HTR3B: variants seen among roughly 807,000 people sequenced by gnomAD.
HTR3B encodes the protein 5-hydroxytryptamine (serotonin) receptor 3B, ionotropic.
HTR3B carries 44 observed loss-of-function variants against 42.8 expected under a neutral mutation model. The ratio of observed to expected loss-of-function variants is 1.03; its 90% confidence interval spans 0.81 to 1.32. HTR3B has a LOEUF of 1.32. HTR3B is among the 40% of genes most tolerant of loss of function. The pLI, the probability that HTR3B is intolerant of heterozygous loss-of-function variation, is 0.00. For synonymous variants in HTR3B, 203 were observed against 209.0 expected (o/e 0.97, Z 0.25); for missense variants, 527 against 536.5 (o/e 0.98, Z 0.17).
At chr11:113,913,000 C>A (rs1001659822) in intron 2 of HTR3B, among the ~76,000 whole-genome samples, 1 of 148,586 alleles carries the variant, frequency 6.7e-6, no homozygotes, top group African/African-American at 2.5e-5. Context: ...GTATTTAAAT[C>A]ATTATTATAA....
chr11:113,944,025 T>A (rs868201203), intron 7 of HTR3B, among the ~76,000 whole-genome samples: 1 of 147,388 alleles, frequency 6.8e-6, no homozygotes, highest in Admixed American at 6.8e-5. Flanking sequence ...TCTCTCTCTT[T>A]TTTTTTTTTT....
chr11:113,903,630 G>A (rs368424777), upstream of HTR3B, among the ~76,000 whole-genome samples: 49 of 151,982 alleles, frequency 3.2e-4, no homozygotes, highest in African/African-American at 1.1e-3. Context: ...GGCTCACCAT[G>A]TTGGTCAGGC....
At chr11:113,902,533 G>A (rs1161471115), upstream of HTR3B, among the ~76,000 whole-genome samples, 2 of 152,154 alleles carry the variant, frequency 1.3e-5, no homozygotes, top group African/African-American at 4.8e-5. Context: ...CTGATCTCAG[G>A]TGATCTACCC....
upstream of HTR3B, among the ~76,000 whole-genome samples, chr11:113,900,115 G>A (rs527837135): frequency 3.1e-4 from 47 of 152,056 alleles, no homozygotes; most frequent in African/African-American, 1.1e-3. Flanking sequence ...AAAATTAGCC[G>A]GGTGTGGTGG....
intron 1 of HTR3B, 73 bp downstream of exon 1, chr11:113,905,058 C>T (rs1949725316): frequency 7.5e-6 from 8 of 1,068,348 alleles, no homozygotes; most frequent in African/African-American, 1.6e-5. Context: ...TTTGTATACA[C>T]CGTACTGTAG....
rs747847997 is a variant in HTR3B at position 113,904,946 on chromosome 11, G to C, written c.13G>C (p.Val5Leu). 2 of 1,613,786 alleles carry C rather than the reference G, an allele frequency of 1.2e-6. No individual in the cohort carries two copies. Among genetic ancestry groups the C allele is most frequent in the Admixed American group, 3.3e-5 (2 of 60,004 alleles). MLSSVMAPLWACILV... is the reference protein window; with the variant it reads MLSSLMAPLWACILV... The stretch of plus-strand genomic sequence containing the variant: ...GATCTGCCCAGGAATGTTGTCAAGT[G>C]TAATGGCTCCCCTGTGGGCCTGCAT... Residue 5 changes from valine to leucine, a missense_variant, in exon 1 of 9, where the codon GTA (valine) becomes CTA (leucine). By Grantham distance (32) the Val-to-Leu change is conservative (BLOSUM62 1). Coordinates refer to ENST00000260191, the MANE Select transcript of HTR3B (RefSeq NM_006028.5).
At chr11:113,909,085 A>G in intron 1 of HTR3B, 2 of 586,202 alleles carry the variant, frequency 3.4e-6, no homozygotes, top group Non-Finnish European at 6.0e-6. Flanking sequence ...ACTTGTTTTT[A>G]CAATGAGGTT....
intron 2 of HTR3B, among the ~76,000 whole-genome samples, chr11:113,918,401 T>A (rs541469652): frequency 9.9e-5 from 15 of 152,162 alleles, no homozygotes; most frequent in African/African-American, 3.6e-4. Context: ...TATCCCTTTA[T>A]AGCCACATTC....
intron 2 of HTR3B, among the ~76,000 whole-genome samples, chr11:113,930,388 C>G (rs1269345608): frequency 6.6e-6 from 1 of 151,234 alleles, no homozygotes; most frequent in Non-Finnish European, 1.5e-5. Flanking sequence ...TGTGAGATAT[C>G]CCTTTTTAAA....
At chr11:113,938,854 G>A (rs1424426721) in intron 6 of HTR3B, among the ~76,000 whole-genome samples, 2 of 152,090 alleles carry the variant, frequency 1.3e-5, no homozygotes, top group African/African-American at 2.4e-5. Flanking sequence ...AATTAGCTGG[G>A]CGTGGTGGCA....
chr11:113,918,197 T>C (rs1949875405), intron 2 of HTR3B, among the ~76,000 whole-genome samples: 2 of 152,106 alleles, frequency 1.3e-5, no homozygotes, highest in South Asian at 4.1e-4. Context: ...TATATTACAG[T>C]GTCAATACTA....
At chr11:113,908,160 C>A (rs956962227) in intron 1 of HTR3B, among the ~76,000 whole-genome samples, 1 of 152,154 alleles carries the variant, frequency 6.6e-6, no homozygotes, top group African/African-American at 2.4e-5. Context: ...AGGAGTCTGG[C>A]ATTGTACCTC....
rs1176727 is a variant in HTR3B, at chr11:113,948,252, G to C, written c.*2115G>C. Among the ~76,000 whole-genome samples the C allele has an allele frequency of 0.034, 5,127 of 152,196 alleles. 282 individuals carry two copies. The highest frequency in any genetic ancestry group is 0.12 in the African/African-American group (4,832 of 41,506). On this transcript the variant is annotated 3_prime_UTR_variant, in exon 9 of 9. Coordinates refer to ENST00000260191, the MANE Select transcript of HTR3B (RefSeq NM_006028.5). ...CACGGTCCTGATGTCACCTTAGCTT[G>C]CCATCCATGTCGATTCTGGCTTTCT... is the stretch of plus-strand genomic sequence containing the variant.
chr11:113,909,003 C>A, intron 1 of HTR3B: 1 of 526,902 alleles, frequency 1.9e-6, no homozygotes, highest in Non-Finnish European at 3.3e-6. Context: ...ATTATTCTGT[C>A]TCCAAAATGC....
chr11:113,940,590 C>A (rs1266922412), intron 6 of HTR3B, among the ~76,000 whole-genome samples: 1 of 152,200 alleles, frequency 6.6e-6, no homozygotes, highest in African/African-American at 2.4e-5. Flanking sequence ...CAGTGAGTGT[C>A]GCTCTGGTTT....
intron 2 of HTR3B, among the ~76,000 whole-genome samples, chr11:113,922,573 CGAGACGCA>C (rs1430546933): frequency 9.3e-5 from 14 of 150,034 alleles, no homozygotes; most frequent in Non-Finnish European, 1.6e-4. Context: ...TTTTTCTGAG[CGAGACGCA>C]GTCTCGCTCT....
intron 2 of HTR3B, among the ~76,000 whole-genome samples, chr11:113,915,692 G>C (rs1302817782): frequency 2.0e-5 from 3 of 152,118 alleles, no homozygotes; most frequent in Admixed American, 2.0e-4. Context: ...GTATAGTATT[G>C]GTGAGTTGTA....
chr11:113,937,758 G>A (rs995318073), intron 6 of HTR3B, among the ~76,000 whole-genome samples: 1 of 152,228 alleles, frequency 6.6e-6, no homozygotes, highest in African/African-American at 2.4e-5. Context: ...AGTATATTCT[G>A]GTCCATTCTT....
intron 6 of HTR3B, among the ~76,000 whole-genome samples, chr11:113,938,886 G>A (rs1005724321): frequency 5.3e-5 from 8 of 151,956 alleles, no homozygotes; most frequent in African/African-American, 1.9e-4. Flanking sequence ...TCCCAGCTAC[G>A]CAGGAGGCTG....
Sources: allele counts gnomAD v4.1 joint callset (sites outside exome capture counted in the v4.1 genomes callset), GRCh38; gene constraint gnomAD v4.1.1; transcripts MANE v1.5; gene names NCBI Gene and HGNC (gene_info 2026-07-23, HGNC 2026-07-21).